The following LCLAT1 variants were observed in gnomAD, a reference collection of about 807,000 sequenced individuals.
The protein encoded by LCLAT1 is 1-AGP acyltransferase 8.
Under a neutral mutation model 30.7 loss-of-function variants are expected in LCLAT1, and 11 were observed. The observed-to-expected ratio is 0.36, with a 90% CI of 0.23 to 0.59. The LOEUF (loss-of-function observed/expected upper bound fraction) is 0.59, where lower values mean the gene tolerates loss of function less well. LCLAT1 is among the 20% of genes least tolerant of loss of function. The pLI is 0.77. For missense variants in LCLAT1, 402 were observed against 458.6 expected, an observed-to-expected ratio of 0.88 and a Z score of 1.13; for synonymous variants, 155 against 151.3, an observed-to-expected ratio of 1.02 and a Z score of -0.18.
At chr2:30,448,999 A>G (rs1386585871) in intron 1 of LCLAT1, among the ~76,000 whole-genome samples, 1 of 152,256 alleles carries the variant, frequency 6.6e-6, no homozygotes, top group East Asian at 1.9e-4. Context: ...GTACTCTGCC[A>G]GGCACTGAAT....
At chr2:30,560,942 TTTTA>T (rs1390722895) in intron 3 of LCLAT1, among the ~76,000 whole-genome samples, 9 of 152,096 alleles carry the variant, frequency 5.9e-5, no homozygotes, top group Admixed American at 1.3e-4. Context: ...TCTCATATGC[TTTTA>T]TTTATTCTTT....
chr2:30,563,792 A>G (rs765834982), intron 4 of LCLAT1, among the ~76,000 whole-genome samples: 3 of 152,242 alleles, frequency 2.0e-5, no homozygotes, highest in African/African-American at 4.8e-5. Flanking sequence ...TAGACATTAC[A>G]TACATATTTA....
rs572142007 is a variant in LCLAT1, at chr2:30,608,734, G to GT, written c.629-31382dup. Among the ~76,000 whole-genome samples the GT allele has an allele frequency of 2.4e-4, 37 of 152,196 alleles. 2 individuals carry two copies. The highest frequency in any genetic ancestry group is 3.4e-3 in the Middle Eastern group (1 of 294). On this transcript the variant is annotated intron_variant, in intron 5 of 5. Transcript: ENST00000379509. ...CATAGACTATATACTGTCTAGGTTT[G>GT]TGTGAGTATGCTCTATGATGTTCCC...
chr2:30,519,846 G>A lies in LCLAT1; in HGVS notation c.-4-5741G>A, dbSNP rs764158971. Among the ~76,000 whole-genome samples the A allele has an allele frequency of 2.0e-5, 3 of 152,122 alleles. No homozygotes were observed. The South Asian group carries it at 6.2e-4, about 32-fold the overall frequency. On this transcript the variant is annotated intron_variant, in intron 1 of 5. Transcript: ENST00000379509. ...GGAACCACACACTCTTCTGGTCCAC[G>A]TTTGTTACTGTTCGAGCTGAGCTTT...
At chr2:30,611,902 G>C (rs1667757502) in intron 5 of LCLAT1, among the ~76,000 whole-genome samples, 1 of 152,112 alleles carries the variant, frequency 6.6e-6, no homozygotes, top group Non-Finnish European at 1.5e-5. Flanking sequence ...CCATAAGGCA[G>C]CAATTACTGT....
chr2:30,517,372 C>T (rs568008812), intron 1 of LCLAT1, among the ~76,000 whole-genome samples: 1 of 152,148 alleles, frequency 6.6e-6, no homozygotes, highest in Non-Finnish European at 1.5e-5. Context: ...TAGGTGGGAC[C>T]CGTTCCTCAC....
chr2:30,640,013 C>CT lies in LCLAT1; in HGVS notation c.629-103dup, dbSNP rs1217609524. 3.6e-6 allele frequency: 3 copies of CT among 827,464 alleles called. No individual in the cohort carries two copies. The South Asian group carries it at 5.0e-5, about 14-fold the overall frequency. 51.3% of individuals were successfully genotyped at this position (827,464 alleles called of 1,614,324 possible). A position where few individuals can be genotyped will look rare whatever the true frequency, so the allele number is the denominator to read the frequency against. On this transcript the variant is annotated intron_variant, in intron 5 of 5. Transcript: ENST00000379509. ...CCTTGTTTGTTCATTGTGGTTCACA[C>CT]TGTCCTGATTTTTCGGTTTCTGGTG... is the stretch of plus-strand genomic sequence containing the variant.
chr2:30,642,112 C>T lies in LCLAT1; in HGVS notation c.*1493C>T, dbSNP rs1215924722. The T allele has an allele frequency of 5.9e-5, 9 of 152,098 alleles. No individual in the cohort carries two copies. The highest frequency in any genetic ancestry group is 2.1e-4 in the South Asian group (1 of 4,826). The allele number at this position is 152,098 out of a possible 1,614,324, so 9.4% of individuals were successfully genotyped here. A position where few individuals can be genotyped will look rare whatever the true frequency, so the allele number is the denominator to read the frequency against. ...CGTTTTTGCTTGACAGTGACCTACC[C>T]AATAATTGCATCGTGCATTGCCATG... On this transcript the variant is annotated 3_prime_UTR_variant, in exon 6 of 6. Coordinates refer to ENST00000379509, the MANE Select transcript of LCLAT1 (RefSeq NM_001002257.3).
intron 2 of LCLAT1, 119 bp from the exon 3 acceptor site, chr2:30,532,997 C>G (rs1686053200): frequency 2.8e-6 from 2 of 714,256 alleles, no homozygotes; most frequent in Admixed American, 4.8e-5. Flanking sequence ...AAGCAAGGAT[C>G]ATGGGAAATA....
chr2:30,571,697 A>G (rs560126890), intron 5 of LCLAT1, among the ~76,000 whole-genome samples: 26 of 152,184 alleles, frequency 1.7e-4, no homozygotes, highest in African/African-American at 6.3e-4. Flanking sequence ...TTACTGAAAT[A>G]CTGGGTGCAT....
chr2:30,556,088 C>G (rs1664906694), intron 3 of LCLAT1, among the ~76,000 whole-genome samples: 1 of 151,978 alleles, frequency 6.6e-6, no homozygotes, highest in African/African-American at 2.4e-5. Context: ...GCCACCGTGA[C>G]CGGCAACAAA....
chr2:30,565,642 A>C (rs1413226719), intron 4 of LCLAT1, among the ~76,000 whole-genome samples: 1 of 152,174 alleles, frequency 6.6e-6, no homozygotes, highest in Non-Finnish European at 1.5e-5. Context: ...TATTCTTTTT[A>C]ATACATATAT....
intron 1 of LCLAT1, among the ~76,000 whole-genome samples, chr2:30,478,826 T>G (rs973519175): frequency 3.9e-5 from 6 of 152,208 alleles, no homozygotes; most frequent in African/African-American, 1.4e-4. Context: ...AGACTTGGTT[T>G]TGTATTGTCC....
intron 5 of LCLAT1, among the ~76,000 whole-genome samples, chr2:30,600,420 T>G (rs112631315): frequency 9.9e-5 from 15 of 152,204 alleles, no homozygotes; most frequent in African/African-American, 3.4e-4. Flanking sequence ...GCTAGAAAGA[T>G]CTCAAATTGA....
chr2:30,619,581 T>A (rs1668149765), intron 5 of LCLAT1, among the ~76,000 whole-genome samples: 1 of 152,232 alleles, frequency 6.6e-6, no homozygotes, highest in Non-Finnish European at 1.5e-5. Context: ...TCCTTGTGAA[T>A]AAAGGATTGG....
At chr2:30,502,359 A>AT (rs1222465084) in intron 1 of LCLAT1, among the ~76,000 whole-genome samples, 4 of 152,004 alleles carry the variant, frequency 2.6e-5, no homozygotes, top group Admixed American at 6.6e-5. Context: ...GTAACATATT[A>AT]TTTTTTTTGT....
chr2:30,583,256 A>G (rs72858978), intron 5 of LCLAT1, among the ~76,000 whole-genome samples: 4,211 of 152,280 alleles, frequency 0.028, 192 homozygotes, highest in African/African-American at 0.094. Flanking sequence ...AGATGCATCT[A>G]TTGCCTCTTT....
chr2:30,588,272 CTTT>C (rs1339723604), intron 5 of LCLAT1, among the ~76,000 whole-genome samples: 1 of 152,202 alleles, frequency 6.6e-6, no homozygotes, highest in Admixed American at 6.5e-5. Flanking sequence ...CCTCCTTCAG[CTTT>C]TAATTCAAAT....
chr2:30,575,863 C>T (rs1053833648), intron 5 of LCLAT1, among the ~76,000 whole-genome samples: 76 of 152,072 alleles, frequency 5.0e-4, no homozygotes, highest in Admixed American at 2.0e-4. Flanking sequence ...CTCTGTACCA[C>T]TTGACTTCAA....
Sources: allele counts gnomAD v4.1 joint callset (sites outside exome capture counted in the v4.1 genomes callset), GRCh38; gene constraint gnomAD v4.1.1; transcripts MANE v1.5; gene names NCBI Gene and HGNC (gene_info 2026-07-23, HGNC 2026-07-21).